FIGN: variants seen among roughly 807,000 people sequenced by gnomAD.
The protein encoded by FIGN is fidgetin, microtubule severing factor.
Under a neutral mutation model 51.3 loss-of-function variants are expected in FIGN, and 11 were observed. The ratio of observed to expected loss-of-function variants is 0.21; its 90% confidence interval spans 0.13 to 0.35. The LOEUF is 0.35. FIGN is among the 10% of genes least tolerant of loss of function. The pLI is 1.00. For synonymous variants in FIGN, 407 were observed against 363.2 expected, an observed-to-expected ratio of 1.12 and a Z score of -1.37; for missense variants, 857 against 943.6, an observed-to-expected ratio of 0.91 and a Z score of 1.20.
chr2:163,650,464 T>G (rs1049700249), intron 2 of FIGN, among the ~76,000 whole-genome samples: 1 of 152,114 alleles, frequency 6.6e-6, no homozygotes, highest in South Asian at 2.1e-4. Flanking sequence ...TACATAGGTA[T>G]ACACGTGCCA....
At chr2:163,705,196 G>C (rs1431577649) in intron 2 of FIGN, among the ~76,000 whole-genome samples, 2 of 152,158 alleles carry the variant, frequency 1.3e-5, no homozygotes, top group Admixed American at 6.6e-5. Flanking sequence ...TTTGGAAAAA[G>C]TCCAACATTC....
At chr2:163,705,267 C>G (rs1278829560) in intron 2 of FIGN, among the ~76,000 whole-genome samples, 1 of 152,204 alleles carries the variant, frequency 6.6e-6, no homozygotes, top group African/African-American at 2.4e-5. Flanking sequence ...AAATAACATA[C>G]TGTTCAACAC....
intron 2 of FIGN, among the ~76,000 whole-genome samples, chr2:163,634,768 G>A (rs1261931809): frequency 6.6e-6 from 1 of 152,146 alleles, no homozygotes; most frequent in Non-Finnish European, 1.5e-5. Context: ...AACTTAAGAG[G>A]AGTGTTATAA....
At chr2:163,732,794 C>A (rs1041616891) in intron 2 of FIGN, among the ~76,000 whole-genome samples, 14 of 152,276 alleles carry the variant, frequency 9.2e-5, no homozygotes, top group Middle Eastern at 3.4e-3. Flanking sequence ...CCACCTCGGA[C>A]CTAACTTTTA....
intron 2 of FIGN, among the ~76,000 whole-genome samples, chr2:163,721,115 A>G (rs1203977810): frequency 2.0e-5 from 3 of 152,202 alleles, no homozygotes; most frequent in Admixed American, 2.0e-4. Context: ...TACCCTTTTG[A>G]GAAGGATCAC....
At chr2:163,707,520 T>A (rs1280670018) in intron 2 of FIGN, among the ~76,000 whole-genome samples, 1 of 152,182 alleles carries the variant, frequency 6.6e-6, no homozygotes, top group Non-Finnish European at 1.5e-5. Context: ...GGAATTTAAG[T>A]GTTTTTAGTA....
chr2:163,722,715 G>A (rs930130239), intron 2 of FIGN, among the ~76,000 whole-genome samples: 2 of 151,778 alleles, frequency 1.3e-5, no homozygotes, highest in African/African-American at 2.4e-5. Flanking sequence ...ATGACTGTAA[G>A]CTCCTTTTTA....
At chr2:163,665,276 G>C (rs1361811478) in intron 2 of FIGN, among the ~76,000 whole-genome samples, 1 of 152,314 alleles carries the variant, frequency 6.6e-6, no homozygotes, top group East Asian at 1.9e-4. Flanking sequence ...ATAGCCTTGC[G>C]GCTTAAGAGG....
At chr2:163,612,927 T>A (rs1682788480) in intron 2 of FIGN, among the ~76,000 whole-genome samples, 1 of 152,008 alleles carries the variant, frequency 6.6e-6, no homozygotes. Flanking sequence ...AATGAGATGG[T>A]CTGGGTAATT....
chr2:163,725,528 TGTA>T (rs1468629577), intron 2 of FIGN, among the ~76,000 whole-genome samples: 1 of 152,110 alleles, frequency 6.6e-6, no homozygotes, highest in Non-Finnish European at 1.5e-5. Context: ...GGCATTTTGC[TGTA>T]GTAGGGTAAA....
chr2:163,660,701 A>ATTTTTTTTTTTTTTTTTT (rs1683641158), intron 2 of FIGN, among the ~76,000 whole-genome samples: 1 of 122,178 alleles, frequency 8.2e-6, no homozygotes, highest in South Asian at 2.6e-4. Flanking sequence ...ATACATATAT[A>ATTTTTTTTTTTTTTTTTT]TGTATACACA....
chr2:163,630,704 T>C (rs1683133810), intron 2 of FIGN, among the ~76,000 whole-genome samples: 1 of 151,888 alleles, frequency 6.6e-6, no homozygotes, highest in African/African-American at 2.4e-5. Flanking sequence ...TTGTCAGTCA[T>C]TACTAAAATA....
At chr2:163,682,136 AAAACAAAC>A (rs61220454) in intron 2 of FIGN, among the ~76,000 whole-genome samples, 25 of 152,210 alleles carry the variant, frequency 1.6e-4, no homozygotes, top group Non-Finnish European at 2.8e-4. Flanking sequence ...ATCTTTTGTT[AAAACAAAC>A]AAACAAACAA....
chr2:163,713,935 C>A (rs771248900), intron 2 of FIGN, among the ~76,000 whole-genome samples: 2 of 152,162 alleles, frequency 1.3e-5, no homozygotes, highest in African/African-American at 4.8e-5. Flanking sequence ...GCTCTCCCTC[C>A]GTTACATACC....
intron 2 of FIGN, among the ~76,000 whole-genome samples, chr2:163,662,163 G>T (rs1396540945): frequency 6.6e-6 from 1 of 152,150 alleles, no homozygotes; most frequent in Admixed American, 6.5e-5. Flanking sequence ...TCCAGGCTGA[G>T]GTGGTCTCAG....
intron 2 of FIGN, among the ~76,000 whole-genome samples, chr2:163,712,576 A>G (rs1684602874): frequency 6.6e-6 from 1 of 152,208 alleles, no homozygotes; most frequent in Admixed American, 6.5e-5. Context: ...TTAATACACG[A>G]ACACCTAAAC....
chr2:163,625,305 T>TA (rs1290438170), intron 2 of FIGN, among the ~76,000 whole-genome samples: 11 of 152,030 alleles, frequency 7.2e-5, no homozygotes, highest in Non-Finnish European at 1.3e-4. Context: ...GCTAAAACAT[T>TA]AAAAAAATGG....
At position 163,664,984 on chromosome 2, in the gene FIGN, T is replaced by C. The variant is rs115088793; in HGVS notation, c.26-53178A>G. Among the ~76,000 whole-genome samples the C allele has an allele frequency of 9.3e-3, 1,378 of 148,644 alleles. 28 individuals carry two copies. Among genetic ancestry groups the C allele is most frequent in the African/African-American group, 0.033 (1,316 of 40,126 alleles). ...GGAAACTGTTTCCCCAATGGGCTGG[T>C]GAAATGAACTATAGTTTTGTATAGT... On this transcript the variant is annotated intron_variant, in intron 2 of 2. Coordinates refer to ENST00000333129, the MANE Select transcript of FIGN (RefSeq NM_018086.4).
chr2:163,671,171 G>A (rs573261199), intron 2 of FIGN, among the ~76,000 whole-genome samples: 1 of 152,188 alleles, frequency 6.6e-6, no homozygotes, highest in Non-Finnish European at 1.5e-5. Flanking sequence ...GGTGTGGCAT[G>A]TAACCTCTGT....
Sources: gnomAD v4.1 joint callset for allele counts (sites outside exome capture counted in the v4.1 genomes callset) on GRCh38, gnomAD v4.1.1 for gene constraint, MANE v1.5 for transcripts, NCBI Gene and HGNC (gene_info 2026-07-23, HGNC 2026-07-21) for gene names.